The following SOX5 variants were observed in gnomAD, a reference collection of about 807,000 sequenced individuals.
SOX5 encodes transcription factor SOX-5.
A neutral mutation model predicts 92.0 loss-of-function variants in SOX5; 9 were observed. That is an observed-to-expected ratio of 0.10 (90% CI 0.06 to 0.17). The LOEUF is 0.17. Among genes scored for constraint, SOX5 ranks in the 10% least tolerant of loss-of-function variants. The pLI is 1.00. For synonymous variants in SOX5, 344 were observed against 336.3 expected, an observed-to-expected ratio of 1.02 and a Z score of -0.25; for missense variants, 642 against 944.5, an observed-to-expected ratio of 0.68 and a Z score of 4.20.
At chr12:23,575,906 G>T in intron 9 of SOX5, 68 bp from the exon 10 acceptor site, 1 of 1,203,288 alleles carries the variant, frequency 8.3e-7, no homozygotes, top group South Asian at 1.5e-5. Context: ...GAAAAACACA[G>T]GTATGCAGCC....
chr12:23,998,803 C>CAAA lies in SOX5; in HGVS notation c.-1-102782_-1-102780dup, dbSNP rs34135570. Among the ~76,000 whole-genome samples the CAAA allele has an allele frequency of 2.9e-3, 196 of 66,870 alleles. 1 individual carries two copies. Among genetic ancestry groups the CAAA allele is most frequent in the Non-Finnish European group, 3.5e-3 (139 of 39,898 alleles). 43.9% of individuals were successfully genotyped at this position (66,870 alleles called of 152,430 possible). ...GTAACAAGGTGGTGAGACTCAGTCT[C>CAAA]AAAAAAAAAAAAAAAAAAAAAAGGG... On this transcript the variant is annotated intron_variant, in intron 4 of 4. Coordinates refer to the SOX5 transcript ENST00000446891.
chr12:23,661,369 C>A (rs1321876797), intron 7 of SOX5, among the ~76,000 whole-genome samples: 1 of 152,154 alleles, frequency 6.6e-6, no homozygotes, highest in Admixed American at 6.5e-5. Context: ...TGATCCTGAA[C>A]ATGGGGTGCA....
intron 4 of SOX5, among the ~76,000 whole-genome samples, chr12:24,043,335 C>A (rs563612748): frequency 2.6e-5 from 4 of 152,116 alleles, no homozygotes; most frequent in Non-Finnish European, 5.9e-5. Flanking sequence ...TTGAGAACAC[C>A]AGAAAAAACA....
intron 4 of SOX5, among the ~76,000 whole-genome samples, chr12:23,973,175 T>TTC: frequency 6.7e-6 from 1 of 150,278 alleles, no homozygotes; most frequent in East Asian, 1.9e-4. Context: ...TTTTTTTTTT[T>TTC]TTTTGAGACA....
intron 4 of SOX5, among the ~76,000 whole-genome samples, chr12:24,052,607 GAATT>G (rs2137144096): frequency 6.6e-6 from 1 of 152,210 alleles, no homozygotes; most frequent in East Asian, 1.9e-4. Flanking sequence ...AGTGTTGTCA[GAATT>G]ATTAGGATTT....
At chr12:23,580,251 T>C (rs934045519) in intron 9 of SOX5, among the ~76,000 whole-genome samples, 1 of 152,022 alleles carries the variant, frequency 6.6e-6, no homozygotes, top group African/African-American at 2.4e-5. Flanking sequence ...TACAATACTC[T>C]TTTAATTTCT....
chr12:24,146,143 C>T (rs974594780), intron 4 of SOX5, among the ~76,000 whole-genome samples: 6 of 152,112 alleles, frequency 3.9e-5, no homozygotes, highest in Non-Finnish European at 7.4e-5. Context: ...TTTGAACTAA[C>T]TGGCATTGGT....
At chr12:24,075,686 C>G (rs549163781) in intron 4 of SOX5, among the ~76,000 whole-genome samples, 76 of 151,940 alleles carry the variant, frequency 5.0e-4, no homozygotes, top group African/African-American at 1.7e-3. Flanking sequence ...AATAAGCAAA[C>G]CCAAAGTTTA....
chr12:24,486,609 C>T (rs986866582), intron 1 of SOX5, among the ~76,000 whole-genome samples: 2 of 152,174 alleles, frequency 1.3e-5, no homozygotes, highest in African/African-American at 4.8e-5. Context: ...TGGTCATTAT[C>T]CCCTATAATC....
At chr12:23,581,118 A>G (rs1227721295) in intron 9 of SOX5, among the ~76,000 whole-genome samples, 1 of 152,108 alleles carries the variant, frequency 6.6e-6, no homozygotes, top group Non-Finnish European at 1.5e-5. Context: ...ACATAATTTA[A>G]CAAACAAAAA....
chr12:23,698,252 T>G (rs532651716), intron 6 of SOX5, among the ~76,000 whole-genome samples: 45 of 152,250 alleles, frequency 3.0e-4, no homozygotes, highest in Non-Finnish European at 5.3e-4. Flanking sequence ...TAGGGTTCTT[T>G]GAGGTTCTTA....
At chr12:24,459,209 T>C (rs939378987) in intron 1 of SOX5, among the ~76,000 whole-genome samples, 1 of 152,190 alleles carries the variant, frequency 6.6e-6, no homozygotes, top group African/African-American at 2.4e-5. Context: ...GGTGACTTGC[T>C]AGTATGTTTT....
intron 1 of SOX5, among the ~76,000 whole-genome samples, chr12:24,554,381 A>G (rs568522254): frequency 1.3e-3 from 204 of 152,316 alleles, no homozygotes; most frequent in African/African-American, 4.4e-3. Context: ...TTCCTCTCAC[A>G]AACGTAAGTT....
intron 1 of SOX5, among the ~76,000 whole-genome samples, chr12:24,518,319 T>C (rs1468711825): frequency 6.6e-6 from 1 of 152,146 alleles, no homozygotes; most frequent in Non-Finnish European, 1.5e-5. Flanking sequence ...TCTGCCCACC[T>C]GAGCCTCCCA....
intron 1 of SOX5, among the ~76,000 whole-genome samples, chr12:24,524,012 C>A (rs906660084): frequency 2.6e-5 from 4 of 152,156 alleles, no homozygotes; most frequent in African/African-American, 9.7e-5. Flanking sequence ...TAGGTGTCAA[C>A]TTGATTGGAT....
intron 1 of SOX5, among the ~76,000 whole-genome samples, chr12:24,428,199 C>G (rs1966884655): frequency 7.0e-6 from 1 of 143,154 alleles, no homozygotes; most frequent in South Asian, 2.2e-4. Context: ...AGAGGTAAAA[C>G]AAACCCAAAA....
At chr12:23,741,935 T>C (rs1454440692) in intron 4 of SOX5, among the ~76,000 whole-genome samples, 2 of 152,200 alleles carry the variant, frequency 1.3e-5, no homozygotes, top group Non-Finnish European at 1.5e-5. Flanking sequence ...GTATGTGCTG[T>C]TCACTGAAAA....
At chr12:24,336,633 T>A (rs1490732508) in intron 2 of SOX5, among the ~76,000 whole-genome samples, 1 of 152,170 alleles carries the variant, frequency 6.6e-6, no homozygotes, top group African/African-American at 2.4e-5. Flanking sequence ...AACTCCTTAC[T>A]TTCATAAAGT....
intron 4 of SOX5, among the ~76,000 whole-genome samples, chr12:24,111,843 C>T (rs1947386907): frequency 6.6e-6 from 1 of 152,086 alleles, no homozygotes; most frequent in South Asian, 2.1e-4. Context: ...AATTATTTTT[C>T]CTTGACCTTT....
Sources: allele counts gnomAD v4.1 joint callset (sites outside exome capture counted in the v4.1 genomes callset), GRCh38; gene constraint gnomAD v4.1.1; transcripts MANE v1.5; gene names NCBI Gene and HGNC (gene_info 2026-07-23, HGNC 2026-07-21).